Variants in ARSB observed in about 807,000 individuals in gnomAD.
ARSB encodes the protein N-acetylgalactosamine-4-sulfatase.
ARSB carries 41 observed loss-of-function variants against 50.9 expected under a neutral mutation model. The ratio of observed to expected loss-of-function variants is 0.81; its 90% confidence interval spans 0.63 to 1.04. The LOEUF is 1.04. ARSB is among the 50% of genes least tolerant of loss of function. The pLI, the probability that ARSB is intolerant of heterozygous loss-of-function variation, is 0.00. For synonymous variants in ARSB, 269 were observed against 284.8 expected, an observed-to-expected ratio of 0.94 and a Z score of 0.56; for missense variants, 672 against 693.3, an observed-to-expected ratio of 0.97 and a Z score of 0.35.
intron 4 of ARSB, among the ~76,000 whole-genome samples, chr5:78,914,875 C>T (rs199745897): frequency 5.9e-5 from 9 of 152,056 alleles, no homozygotes; most frequent in Admixed American, 5.9e-4. Context: ...TCATGTTGGC[C>T]AGGCTGTTCT....
rs567442203 is a variant in ARSB, at chr5:78,952,496, C to T, written c.898+2799G>A. ...GGACTACAGGCACATGCCACCACAC[C>T]TGGCTAATTTTTGTATTTTTTGTAG... On this transcript the variant is annotated intron_variant, in intron 4 of 7. Transcript: ENST00000264914. Among the ~76,000 whole-genome samples the T allele has an allele frequency of 9.3e-4, 141 of 152,244 alleles. No homozygotes were observed. The South Asian group carries it at 0.027, about 30-fold the overall frequency.
chr5:78,977,168 C>T (rs541503526), intron 1 of ARSB, among the ~76,000 whole-genome samples: 9 of 143,818 alleles, frequency 6.3e-5, no homozygotes, highest in African/African-American at 2.3e-4. Context: ...CACTTCCCCC[C>T]CGCGAGATGG....
intron 6 of ARSB, among the ~76,000 whole-genome samples, chr5:78,832,673 A>G (rs1744744558): frequency 6.6e-6 from 1 of 152,156 alleles, no homozygotes; most frequent in Admixed American, 6.5e-5. Context: ...GAGGGTGGGA[A>G]GAAGGCTGTT....
At chr5:78,834,934 C>T (rs966753539) in intron 6 of ARSB, among the ~76,000 whole-genome samples, 2 of 151,748 alleles carry the variant, frequency 1.3e-5, no homozygotes, top group Non-Finnish European at 2.9e-5. Context: ...TTCTCTACAT[C>T]CTCAACAATT....
At chr5:78,975,247 G>A (rs1274626004) in intron 1 of ARSB, among the ~76,000 whole-genome samples, 1 of 152,240 alleles carries the variant, frequency 6.6e-6, no homozygotes, top group Non-Finnish European at 1.5e-5. Flanking sequence ...GCAGGAAAGG[G>A]AGGGCATGCT....
chr5:78,822,218 A>G (rs1351578477), intron 6 of ARSB, among the ~76,000 whole-genome samples: 3 of 152,218 alleles, frequency 2.0e-5, no homozygotes, highest in Non-Finnish European at 2.9e-5. Flanking sequence ...CTTCTATGTT[A>G]AAATAATAAA....
intron 7 of ARSB, among the ~76,000 whole-genome samples, 168 bp from the exon 8 acceptor site, chr5:78,780,830 C>CT (rs1175481492): frequency 6.6e-6 from 1 of 152,108 alleles, no homozygotes; most frequent in African/African-American, 2.4e-5. Context: ...ACTTCTGGTG[C>CT]TTTAACTAGA....
At chr5:78,906,376 C>A (rs1407365749) in intron 4 of ARSB, among the ~76,000 whole-genome samples, 1 of 151,854 alleles carries the variant, frequency 6.6e-6, no homozygotes, top group African/African-American at 2.4e-5. Flanking sequence ...TAGGAATTCC[C>A]CATATTCTTG....
At chr5:78,885,956 T>C in intron 4 of ARSB, 129 bp from the exon 5 acceptor site, 2 of 1,461,468 alleles carry the variant, frequency 1.4e-6, no homozygotes, top group Non-Finnish European at 1.9e-6. Flanking sequence ...CCTTGCCTTT[T>C]CCCACCCTAA....
At chr5:78,963,864 G>A (rs7705475) in intron 3 of ARSB, among the ~76,000 whole-genome samples, 40,269 of 151,866 alleles carry the variant, frequency 0.27, 6,637 homozygotes, top group African/African-American at 0.47. Context: ...TTGACTAGAT[G>A]ATTCTAAAAT....
intron 1 of ARSB, among the ~76,000 whole-genome samples, chr5:78,973,354 C>T (rs780141782): frequency 6.6e-6 from 1 of 152,206 alleles, no homozygotes; most frequent in Non-Finnish European, 1.5e-5. Flanking sequence ...CAAAAAACAA[C>T]TTCTCCTAAG....
At chr5:78,833,025 C>T (rs945380023) in intron 6 of ARSB, among the ~76,000 whole-genome samples, 2 of 152,178 alleles carry the variant, frequency 1.3e-5, no homozygotes, top group Admixed American at 1.3e-4. Context: ...CAGCCAAGAT[C>T]AAGCCCGGCA....
intron 6 of ARSB, among the ~76,000 whole-genome samples, chr5:78,813,742 G>T (rs1473045155): frequency 6.6e-6 from 1 of 151,896 alleles, no homozygotes; most frequent in Non-Finnish European, 1.5e-5. Context: ...GAGGACAGAG[G>T]GAGACCCTGT....
In ARSB at chr5:78,880,331, T is replaced by C. The variant is rs138521822; in HGVS notation, c.1142+5253A>G. On this transcript the variant is annotated intron_variant, in intron 5 of 7. Coordinates refer to ENST00000264914, the MANE Select transcript of ARSB (RefSeq NM_000046.5). ...TCAATGATGTGAACTTTGCCAAAGA[T>C]AATAACCTCAGTAAATTTGGGACTC... is the stretch of plus-strand genomic sequence containing the variant. Among the ~76,000 whole-genome samples, 611 of 152,336 alleles carry C rather than the reference T, an allele frequency of 4.0e-3. 5 individuals carry two copies. The highest frequency in any genetic ancestry group is 0.014 in the African/African-American group (588 of 41,582).
intron 4 of ARSB, among the ~76,000 whole-genome samples, chr5:78,938,235 G>A (rs1750728070): frequency 6.6e-6 from 1 of 152,158 alleles, no homozygotes; most frequent in East Asian, 1.9e-4. Context: ...CAGCATGGCT[G>A]TTCAGTAAAA....
chr5:78,789,031 G>A (rs1275713884), intron 6 of ARSB, among the ~76,000 whole-genome samples: 1 of 152,208 alleles, frequency 6.6e-6, no homozygotes, highest in African/African-American at 2.4e-5. Flanking sequence ...AAGGGACTGA[G>A]GGGAGGGCTG....
chr5:78,846,446 G>A (rs886834970), intron 5 of ARSB, among the ~76,000 whole-genome samples: 1 of 152,058 alleles, frequency 6.6e-6, no homozygotes, highest in Non-Finnish European at 1.5e-5. Context: ...GGATTGCATT[G>A]ACTCTGTAGA....
In ARSB at chr5:78,985,194, G is replaced by T; in HGVS notation, c.55C>A (p.Leu19Ile). The change falls in exon 1 of 8, where the codon CTC becomes ATC. Residue 19 changes from leucine (L) to isoleucine (I), a missense_variant. Physicochemically the swap from Leu to Ile is conservative, Grantham distance 5. Coordinates refer to ENST00000264914, the MANE Select transcript of ARSB (RefSeq NM_000046.5). ...LPRGPGPRRL[L>I]LPVVLPLLLL... Reference sequence around the variant, plus strand: ...AGCAGCGGGAGGACGACGGGGAGGAGCAGCCGCCGAGGTCCGGGGCCTCGG... The same window carrying T: ...AGCAGCGGGAGGACGACGGGGAGGATCAGCCGCCGAGGTCCGGGGCCTCGG... 2 of 1,399,082 alleles carry T rather than the reference G, an allele frequency of 1.4e-6. No homozygotes were observed. Among genetic ancestry groups the T allele is most frequent in the East Asian group, 6.0e-5 (2 of 33,514 alleles). 86.7% of individuals were successfully genotyped at this position (1,399,082 alleles called of 1,614,324 possible).
At chr5:78,942,066 G>A (rs1750958816) in intron 4 of ARSB, among the ~76,000 whole-genome samples, 1 of 152,184 alleles carries the variant, frequency 6.6e-6, no homozygotes, top group South Asian at 2.1e-4. Flanking sequence ...TAGTTTGTTT[G>A]CGTAGAGGTG....
Sources: allele counts gnomAD v4.1 joint callset (sites outside exome capture counted in the v4.1 genomes callset), GRCh38; gene constraint gnomAD v4.1.1; transcripts MANE v1.5; gene names NCBI Gene and HGNC (gene_info 2026-07-23, HGNC 2026-07-21).